Variants in LMBRD2 observed in about 807,000 individuals in gnomAD.
The protein encoded by LMBRD2 is G protein-coupled receptor-associated protein LMBRD2.
In LMBRD2, 55 loss-of-function variants were observed where a neutral mutation model predicts 94.4. That is an observed-to-expected ratio of 0.58 (90% CI 0.47 to 0.73). LMBRD2 has a LOEUF of 0.73. LMBRD2 is among the 30% of genes least tolerant of loss of function. The pLI, the probability that LMBRD2 is intolerant of heterozygous loss-of-function variation, is 0.00. For synonymous variants in LMBRD2, 246 were observed against 272.4 expected (o/e 0.90, Z 0.95); for missense variants, 640 against 831.9 (o/e 0.77, Z 2.84).
chr5:36,105,624 G>A (rs1743447721), intron 16 of LMBRD2, among the ~76,000 whole-genome samples: 1 of 152,122 alleles, frequency 6.6e-6, no homozygotes, highest in Non-Finnish European at 1.5e-5. Flanking sequence ...TTTACCATAA[G>A]GCAAGAGTAT....
intron 9 of LMBRD2, among the ~76,000 whole-genome samples, chr5:36,121,809 G>A (rs1429311430): frequency 6.6e-6 from 1 of 152,094 alleles, no homozygotes; most frequent in Non-Finnish European, 1.5e-5. Context: ...AAACCACTGT[G>A]TTACAACTGC....
intron 4 of LMBRD2, among the ~76,000 whole-genome samples, chr5:36,140,821 T>C (rs778604515): frequency 6.6e-6 from 1 of 152,216 alleles, no homozygotes; most frequent in Non-Finnish European, 1.5e-5. Flanking sequence ...GAGAGCCCAG[T>C]TGAATTTAAT....
In LMBRD2 at chr5:36,099,440, G is replaced by T. The variant is rs1386973089; in HGVS notation, c.*4606C>A. On this transcript the variant is annotated 3_prime_UTR_variant, in exon 18 of 18. Coordinates refer to ENST00000296603, the MANE Select transcript of LMBRD2 (RefSeq NM_001007527.2). ...AATATGAACAAAAACAAATCCATTG[G>T]ATTGCTTTTAAAAAATATATACACA... The T allele has an allele frequency of 1.3e-5, 2 of 151,962 alleles. No homozygotes were observed. The highest frequency in any genetic ancestry group is 2.9e-5 in the Non-Finnish European group (2 of 67,970). The allele number at this position is 151,962 out of a possible 1,614,324, so 9.4% of individuals were successfully genotyped here. A position where few individuals can be genotyped will look rare whatever the true frequency, so the allele number is the denominator to read the frequency against.
chr5:36,116,004 A>T (rs1056846694), intron 11 of LMBRD2, among the ~76,000 whole-genome samples: 1 of 152,222 alleles, frequency 6.6e-6, no homozygotes, highest in Non-Finnish European at 1.5e-5. Flanking sequence ...TCATTTAACA[A>T]TAAGAACAGG....
chr5:36,111,041 T>C lies in LMBRD2; in HGVS notation c.1744+114A>G. ...TTAGCTAAAAATGTGCATTAATTCA[T>C]AATTTCTTAGAATAGATTAAAAAAT... On this transcript the variant is annotated intron_variant, in intron 14 of 17. Coordinates refer to ENST00000296603, the MANE Select transcript of LMBRD2 (RefSeq NM_001007527.2). 4.6e-6 allele frequency: 3 copies of C among 659,000 alleles called. No individual in the cohort carries two copies. In the South Asian group the frequency reaches 6.8e-5, roughly 15 times the overall value. The allele number at this position is 659,000 out of a possible 1,614,324, so 40.8% of individuals were successfully genotyped here.
chr5:36,148,224 C>T (rs1744598528), intron 1 of LMBRD2, among the ~76,000 whole-genome samples: 1 of 149,294 alleles, frequency 6.7e-6, no homozygotes, highest in Non-Finnish European at 1.5e-5. Flanking sequence ...CTGCAAGAGA[C>T]TATTACTCCC....
At chr5:36,130,139 A>T (rs1744099223) in intron 6 of LMBRD2, among the ~76,000 whole-genome samples, 1 of 152,188 alleles carries the variant, frequency 6.6e-6, no homozygotes, top group Admixed American at 6.5e-5. Context: ...ATACATATGT[A>T]ACAAACCTGC....
In LMBRD2 at chr5:36,116,515, A is replaced by C; in HGVS notation, c.1381T>G (p.Tyr461Asp). 1 of 1,612,970 alleles carries C rather than the reference A, an allele frequency of 6.2e-7. No individual in the cohort carries two copies. Among genetic ancestry groups the C allele is most frequent in the Non-Finnish European group, 8.5e-7 (1 of 1,179,004 alleles). Residue 461 changes from tyrosine to aspartate, a missense_variant, in exon 11 of 18, where the codon TAT (tyrosine) becomes GAT (aspartate). Transcript: ENST00000296603. Reference sequence around the variant, plus strand: ...GTCTGGTGATGTGAGGCCAAATAATAATAGTTAAATACACGAATCCTGAAC... The same window carrying C: ...GTCTGGTGATGTGAGGCCAAATAATCATAGTTAAATACACGAATCCTGAAC... The part of the protein sequence containing the change: ...TVFRIRVFNY[Y>D]YLASHHQTDA...
chr5:36,143,037 T>C, intron 2 of LMBRD2, 139 bp downstream of exon 2: 1 of 696,332 alleles, frequency 1.4e-6, no homozygotes, highest in East Asian at 2.8e-5. Flanking sequence ...TGGCTATGCT[T>C]TTTAATGATC....
chr5:36,135,398 C>A (rs146365220), intron 6 of LMBRD2, among the ~76,000 whole-genome samples: 1 of 152,070 alleles, frequency 6.6e-6, no homozygotes, highest in Non-Finnish European at 1.5e-5. Context: ...GTTTGAGGAA[C>A]GAAAGTTGAG....
At position 36,143,066 on chromosome 5, in the gene LMBRD2, T is replaced by C. The variant is rs890339891; in HGVS notation, c.174+110A>G. Reference sequence around the variant, plus strand: ...AATGATCAAATGGCCATATAATCTTTTAATTCAAAACTGACATAACTTAGC... The same window carrying C: ...AATGATCAAATGGCCATATAATCTTCTAATTCAAAACTGACATAACTTAGC... On this transcript the variant is annotated intron_variant, in intron 2 of 17. Coordinates refer to ENST00000296603, the MANE Select transcript of LMBRD2 (RefSeq NM_001007527.2). 2.0e-5 allele frequency: 16 copies of C among 815,368 alleles called. 1 individual carries two copies. The Admixed American group carries it at 2.7e-4, about 14-fold the overall frequency. The allele number at this position is 815,368 out of a possible 1,614,324, so 50.5% of individuals were successfully genotyped here.
At chr5:36,132,239 A>G (rs559641561) in intron 6 of LMBRD2, among the ~76,000 whole-genome samples, 47 of 152,134 alleles carry the variant, frequency 3.1e-4, no homozygotes, top group South Asian at 4.1e-4. Context: ...GTGCCAGGAA[A>G]ACTGGAAAAC....
In LMBRD2 at chr5:36,142,578, G is replaced by A. The variant is rs756328573; in HGVS notation, c.196C>T (p.His66Tyr). ...GGAGGGCTTGAATTTGCAGCAGCATGCTTGCACCGGTTGTATATTGTCTAA... is the reference window on the plus strand; with the variant it reads ...GGAGGGCTTGAATTTGCAGCAGCATACTTGCACCGGTTGTATATTGTCTAA... ...VSTTIYNRCK[H>Y]AAANSSPPEN... Residue 66 changes from histidine to tyrosine, a missense_variant, in exon 3 of 18, where the codon CAT becomes TAT. His to Tyr is a moderately conservative substitution (Grantham distance 83). Transcript: ENST00000296603. 8.1e-6 allele frequency: 13 copies of A among 1,608,218 alleles called. No homozygotes were observed. Among genetic ancestry groups the A allele is most frequent in the Non-Finnish European group, 1.0e-5 (12 of 1,174,600 alleles).
intron 15 of LMBRD2, among the ~76,000 whole-genome samples, chr5:36,109,141 TGAAAGG>T (rs1743544030): frequency 6.6e-6 from 1 of 152,140 alleles, no homozygotes; most frequent in Non-Finnish European, 1.5e-5. Flanking sequence ...TTCTTAGAAT[TGAAAGG>T]GACATTAGAA....
At chr5:36,142,817 C>G in intron 2 of LMBRD2, 1 of 397,124 alleles carries the variant, frequency 2.5e-6, no homozygotes, top group East Asian at 4.9e-5. Flanking sequence ...CTCCGCCTCC[C>G]GGATTCACGC....
intron 9 of LMBRD2, among the ~76,000 whole-genome samples, chr5:36,118,841 G>A (rs1167937613): frequency 1.3e-5 from 2 of 151,680 alleles, no homozygotes; most frequent in Middle Eastern, 3.4e-3. Context: ...TATTAGACAC[G>A]TGCCACCATG....
At position 36,145,634 on chromosome 5, in the gene LMBRD2, A is replaced by G. The variant is rs137895673; in HGVS notation, c.-57-2228T>C. Among the ~76,000 whole-genome samples, 128 of 152,350 alleles carry G rather than the reference A, an allele frequency of 8.4e-4. 2 individuals carry two copies. Among genetic ancestry groups the G allele is most frequent in the African/African-American group, 3.0e-3 (123 of 41,574 alleles). ...GATCTAGGGTTTTTTTTCTTTAAAAAAACCCAATTGATGTGAGTTTAAATA... is the reference window on the plus strand; with the variant it reads ...GATCTAGGGTTTTTTTTCTTTAAAAGAACCCAATTGATGTGAGTTTAAATA... On this transcript the variant is annotated intron_variant, in intron 1 of 17. Coordinates refer to ENST00000296603, the MANE Select transcript of LMBRD2 (RefSeq NM_001007527.2).
intron 6 of LMBRD2, among the ~76,000 whole-genome samples, chr5:36,130,890 C>T (rs1019882835): frequency 1.3e-5 from 2 of 152,166 alleles, no homozygotes; most frequent in East Asian, 3.9e-4. Context: ...AATGGCTTCA[C>T]TGCTGAATTT....
intron 10 of LMBRD2, among the ~76,000 whole-genome samples, chr5:36,117,383 T>C (rs1217405406): frequency 6.6e-6 from 1 of 151,478 alleles, no homozygotes; most frequent in Non-Finnish European, 1.5e-5. Flanking sequence ...GAGGCTAAGG[T>C]GAAGGTGAGA....
Sources: allele counts gnomAD v4.1 joint callset (sites outside exome capture counted in the v4.1 genomes callset), GRCh38; gene constraint gnomAD v4.1.1; transcripts MANE v1.5; gene names NCBI Gene and HGNC (gene_info 2026-07-23, HGNC 2026-07-21).